Variants in C7 observed in about 807,000 individuals in gnomAD.
C7 encodes complement C7.
C7 carries 83 observed loss-of-function variants against 104.8 expected under a neutral mutation model. The ratio of observed to expected loss-of-function variants is 0.79; its 90% CI spans 0.66 to 0.95. The LOEUF (loss-of-function observed/expected upper bound fraction) is 0.95. C7 is among the 40% of genes least tolerant of loss of function. The pLI is 0.00. For missense variants in C7, 1,070 were observed against 1,011.2 expected, an observed-to-expected ratio of 1.06 and a Z score of -0.79; for synonymous variants, 415 against 360.6, an observed-to-expected ratio of 1.15 and a Z score of -1.71.
intron 13 of C7, 196 bp from the exon 14 acceptor site, chr5:40,964,545 T>C (rs1740502180): frequency 2.0e-6 from 1 of 502,048 alleles, no homozygotes; most frequent in Admixed American, 3.5e-5. Context: ...GTGGTATTAA[T>C]AGTTTTATTT....
chr5:40,955,356 T>A (rs766586143), intron 9 of C7, 31 bp from the exon 10 acceptor site: 1 of 1,559,018 alleles, frequency 6.4e-7, no homozygotes, highest in African/African-American at 1.4e-5. Flanking sequence ...TTGATAGACT[T>A]TTCACTTTTC....
intron 14 of C7, among the ~76,000 whole-genome samples, chr5:40,966,062 G>A (rs12515415): frequency 0.089 from 13,408 of 151,190 alleles, 839 homozygotes; most frequent in East Asian, 0.19. Context: ...AAAAATAATC[G>A]GTTTGTCTGT....
In C7 at chr5:40,972,500, A is replaced by T; in HGVS notation, c.1980A>T (p.Ser660=). Residue 660 remains serine (S), a synonymous_variant, in exon 15 of 18, where the codon TCA becomes TCT. Transcript: ENST00000313164. The stretch of plus-strand genomic sequence containing the variant: ...GTGAGAAGGTGACTGTTTCCTGTTC[A>T]GGTGGCATGTCCTTAGAAGGTCCTT... ...TVGEKVTVSC[S]GGMSLEGPSA... 1 of 1,613,888 alleles carries T rather than the reference A, an allele frequency of 6.2e-7. No homozygotes were observed. The highest frequency in any genetic ancestry group is 8.5e-7 in the Non-Finnish European group (1 of 1,179,792).
In C7 at chr5:40,914,381, A is replaced by G. The variant is rs1466722278; in HGVS notation, c.6+4765A>G. On this transcript the variant is annotated intron_variant, in intron 1 of 17. Coordinates refer to ENST00000313164, the MANE Select transcript of C7 (RefSeq NM_000587.4). ...GATATTAGTTCTCTGTCAGATGCAT[A>G]ATTTGCAGATATTTCCTCCCATTCT... Among the ~76,000 whole-genome samples the G allele has an allele frequency of 1.3e-5, 2 of 152,150 alleles. 1 individual carries two copies. The highest frequency in any genetic ancestry group is 3.9e-4 in the East Asian group (2 of 5,194).
At chr5:40,957,251 G>A (rs533624749) in intron 10 of C7, among the ~76,000 whole-genome samples, 10 of 152,268 alleles carry the variant, frequency 6.6e-5, no homozygotes, top group African/African-American at 2.4e-4. Flanking sequence ...AACTGAGTCA[G>A]CACATCTGTG....
chr5:40,945,900 A>ATATATATATATATATATATATATT (rs1740037711), intron 7 of C7, among the ~76,000 whole-genome samples: 1 of 139,954 alleles, frequency 7.1e-6, no homozygotes, highest in Non-Finnish European at 1.5e-5. Flanking sequence ...ATATATATAT[A>ATATATATATATATATATATATATT]TATATATATG....
chr5:40,966,772 T>G (rs757533929), intron 14 of C7, among the ~76,000 whole-genome samples: 4 of 152,202 alleles, frequency 2.6e-5, no homozygotes, highest in Non-Finnish European at 5.9e-5. Context: ...AATTCCTTTT[T>G]ATGGCTGAGT....
At chr5:40,927,486 C>T (rs936927348) in intron 1 of C7, among the ~76,000 whole-genome samples, 1 of 151,806 alleles carries the variant, frequency 6.6e-6, no homozygotes, top group African/African-American at 2.4e-5. Flanking sequence ...ATTTATAAGT[C>T]ATACATTCAA....
In C7 at chr5:40,976,838, T is replaced by G. The variant is rs1284178187; in HGVS notation, c.2163T>G (p.Cys721Trp). The G allele has an allele frequency of 6.3e-7, 1 of 1,598,590 alleles. No individual in the cohort carries two copies. Among genetic ancestry groups the G allele is most frequent in the Admixed American group, 1.7e-5 (1 of 58,046 alleles). ...GTGTTTGTAAAATGCCCTACGAATG[T>G]GGGTAAGTGCCGCCTTTGCTCATTT... ...SRCVCKMPYE[C>W]GPSLDVCAQD... Residue 721 changes from cysteine (C) to tryptophan (W), a missense_variant and splice_region_variant, in exon 16 of 18, where the codon TGT (cysteine) becomes TGG (tryptophan). Transcript: ENST00000313164.
intron 11 of C7, among the ~76,000 whole-genome samples, 169 bp from the exon 12 acceptor site, chr5:40,959,280 T>G (rs1045541130): frequency 6.6e-6 from 1 of 152,224 alleles, no homozygotes; most frequent in Non-Finnish European, 1.5e-5. Flanking sequence ...ACATTCCTAG[T>G]CTGTATGTAG....
At chr5:40,965,475 A>G (rs1299270616) in intron 14 of C7, among the ~76,000 whole-genome samples, 3 of 152,136 alleles carry the variant, frequency 2.0e-5, no homozygotes, top group Non-Finnish European at 4.4e-5. Context: ...GGGTATTCAT[A>G]CATTGGGTAT....
chr5:40,964,916 C>A, intron 14 of C7, 43 bp downstream of exon 14: 10 of 1,603,480 alleles, frequency 6.2e-6, no homozygotes, highest in Non-Finnish European at 8.5e-6. Flanking sequence ...GAGAAAATTA[C>A]GTGGAAGAGA....
At chr5:40,939,012 C>T (rs1241745526) in intron 6 of C7, among the ~76,000 whole-genome samples, 1 of 152,150 alleles carries the variant, frequency 6.6e-6, no homozygotes, top group Non-Finnish European at 1.5e-5. Flanking sequence ...TCAAGATCCC[C>T]TCTCTCACTC....
intron 6 of C7, 56 bp from the exon 7 acceptor site, chr5:40,945,142 T>C: frequency 1.1e-6 from 1 of 923,160 alleles, no homozygotes; most frequent in South Asian, 1.6e-5. Context: ...AAAGTATGCA[T>C]GATAAAGGAT....
rs572382454 is a variant in C7, at chr5:40,922,221, G to A, written c.7-6359G>A. ...GAAAGCCCATCTCTACTAAAAATACGAAAATTAGCCAGGTATGGTGGCACA... is the reference window on the plus strand; with the variant it reads ...GAAAGCCCATCTCTACTAAAAATACAAAAATTAGCCAGGTATGGTGGCACA... On this transcript the variant is annotated intron_variant, in intron 1 of 17. Transcript: ENST00000313164. 1.7e-4 allele frequency among the ~76,000 whole-genome samples: 25 copies of A among 147,986 alleles called. No homozygotes were observed. The East Asian group carries it at 4.6e-3, about 27-fold the overall frequency.
chr5:40,974,666 C>T (rs1403579723), intron 15 of C7, among the ~76,000 whole-genome samples: 3 of 152,172 alleles, frequency 2.0e-5, no homozygotes, highest in African/African-American at 7.2e-5. Context: ...GATCCGCCCG[C>T]CTCGGCCTCC....
chr5:40,973,903 A>T (rs3805226), intron 15 of C7, among the ~76,000 whole-genome samples: 1 of 152,142 alleles, frequency 6.6e-6, no homozygotes, highest in African/African-American at 2.4e-5. Context: ...TTAATTAAGG[A>T]TGTTTTTCAG....
intron 16 of C7, among the ~76,000 whole-genome samples, chr5:40,977,593 C>T (rs1393924529): frequency 6.6e-6 from 1 of 152,120 alleles, no homozygotes; most frequent in Non-Finnish European, 1.5e-5. Context: ...ATTTTAGGGA[C>T]TTCAGAGGTC....
At chr5:40,940,893 A>T (rs1739920712) in intron 6 of C7, among the ~76,000 whole-genome samples, 1 of 151,954 alleles carries the variant, frequency 6.6e-6, no homozygotes, top group Non-Finnish European at 1.5e-5. Flanking sequence ...CTGGCTCCAA[A>T]CCCCCTCAGA....
Sources: allele counts gnomAD v4.1 joint callset (sites outside exome capture counted in the v4.1 genomes callset), GRCh38; gene constraint gnomAD v4.1.1; transcripts MANE v1.5; gene names NCBI Gene and HGNC (gene_info 2026-07-23, HGNC 2026-07-21).